Variants in SHPRH observed in about 807,000 individuals in gnomAD.
SHPRH encodes E3 ubiquitin-protein ligase SHPRH.
A neutral mutation model predicts 202.5 loss-of-function variants in SHPRH; 106 were observed. The ratio of observed to expected loss-of-function variants is 0.52; its 90% confidence interval spans 0.45 to 0.62. The LOEUF (loss-of-function observed/expected upper bound fraction) is 0.62. SHPRH is among the 20% of genes least tolerant of loss of function. The probability of loss-of-function intolerance (pLI) is 0.00; values close to 1 mark genes in which losing one functional copy is unlikely to be tolerated. For missense variants in SHPRH, 1,710 were observed against 2,020.0 expected, an observed-to-expected ratio of 0.85 and a Z score of 2.94; for synonymous variants, 729 against 686.0, an observed-to-expected ratio of 1.06 and a Z score of -0.98.
downstream of SHPRH, chr6:145,884,338 A>C (rs1780811253): frequency 6.6e-6 from 1 of 152,240 alleles, no homozygotes; most frequent in South Asian, 2.1e-4. Flanking sequence ...GGTTTGAAGC[A>C]AAAAGGCTAT....
intron 11 of SHPRH, among the ~76,000 whole-genome samples, chr6:145,937,551 T>C (rs1786247335): frequency 6.6e-6 from 1 of 152,156 alleles, no homozygotes; most frequent in Admixed American, 6.6e-5. Flanking sequence ...GAGTGATCTT[T>C]TGAAATACAA....
intron 1 of SHPRH, among the ~76,000 whole-genome samples, chr6:145,959,002 T>C (rs1788795724): frequency 6.6e-6 from 1 of 151,802 alleles, no homozygotes; most frequent in Admixed American, 6.6e-5. Flanking sequence ...CCAGCTAACT[T>C]TTTTTTTGTA....
intron 4 of SHPRH, 76 bp downstream of exon 4, chr6:145,950,188 A>G: frequency 8.4e-7 from 1 of 1,192,698 alleles, no homozygotes; most frequent in Non-Finnish European, 1.2e-6. Flanking sequence ...TTTAATGATC[A>G]ATTTCACCCT....
At chr6:145,908,743 A>C (rs1783203726) in intron 25 of SHPRH, 1 of 152,054 alleles carries the variant, frequency 6.6e-6, no homozygotes, top group Non-Finnish European at 1.5e-5. Context: ...TGCTCTGCAG[A>C]AGCTCTTTAA....
chr6:145,940,696 G>GCAAT (rs1786676553), intron 11 of SHPRH, 27 bp downstream of exon 11: 1 of 1,606,738 alleles, frequency 6.2e-7, no homozygotes, highest in African/African-American at 1.3e-5. Flanking sequence ...TCAAATGCAT[G>GCAAT]CAATATGTGA....
intron 4 of SHPRH, among the ~76,000 whole-genome samples, chr6:145,948,850 A>G (rs1057467956): frequency 6.6e-6 from 1 of 152,008 alleles, no homozygotes; most frequent in Non-Finnish European, 1.5e-5. Context: ...ATCTAAAACC[A>G]TAACTCAGAA....
At chr6:145,910,084 G>A (rs1783355310) in intron 25 of SHPRH, 1 of 165,978 alleles carries the variant, frequency 6.0e-6, no homozygotes, top group Admixed American at 6.1e-5. Flanking sequence ...TTACATTCAG[G>A]GATGTGTAAA....
chr6:145,918,942 A>G (rs920949640), intron 22 of SHPRH: 1 of 156,170 alleles, frequency 6.4e-6, no homozygotes, highest in Admixed American at 6.4e-5. Context: ...TTAGTTCATC[A>G]TTAGCAAAAG....
At position 145,924,723 on chromosome 6, in the gene SHPRH, C is replaced by T. The variant is rs370763181; in HGVS notation, c.3402+16G>A. On this transcript the variant is annotated intron_variant, in intron 17 of 29. Transcript: ENST00000275233. ...TGGAGGCAAATACAAGTAAGAAACA[C>T]TGCATTTTGGCATACCTTTCTTTGA... 2.5e-6 allele frequency: 4 copies of T among 1,605,752 alleles called. No homozygotes were observed. Among genetic ancestry groups the T allele is most frequent in the African/African-American group, 2.7e-5 (2 of 74,620 alleles).
chr6:145,939,328 T>C (rs543396243), intron 11 of SHPRH, among the ~76,000 whole-genome samples: 10 of 152,316 alleles, frequency 6.6e-5, no homozygotes, highest in African/African-American at 7.2e-5. Flanking sequence ...TACAAATACA[T>C]GTCAAAACTT....
rs758318160 is a variant in SHPRH, at chr6:145,926,196, A to AT, written c.3294+7dup. ...TACTTTTATAGACAGAATGAAAAAA[A>AT]TAATTACCTCTTCCTCAAGTCGGCC... On this transcript the variant is annotated splice_region_variant and intron_variant, in intron 16 of 29. Transcript: ENST00000275233. 1.6e-4 allele frequency: 257 copies of AT among 1,611,900 alleles called. No homozygotes were observed. The highest frequency in any genetic ancestry group is 8.7e-4 in the Admixed American group (52 of 59,840).
At chr6:145,948,140 A>G in intron 5 of SHPRH, 132 bp downstream of exon 5, 1 of 559,550 alleles carries the variant, frequency 1.8e-6, no homozygotes. Context: ...ATCCATAGAT[A>G]TGTCTAATCA....
chr6:145,899,356 T>C (rs905227009), intron 25 of SHPRH, among the ~76,000 whole-genome samples: 10 of 151,892 alleles, frequency 6.6e-5, no homozygotes, highest in Non-Finnish European at 1.3e-4. Flanking sequence ...TACAGACCAA[T>C]GGAACAGGAG....
At chr6:145,922,198 TG>T in intron 20 of SHPRH, 87 bp downstream of exon 20, 1 of 1,119,438 alleles carries the variant, frequency 8.9e-7, no homozygotes. Flanking sequence ...AAGGTTACTG[TG>T]GGGGAAAACA....
At chr6:145,899,479 G>C (rs1181247153) in intron 25 of SHPRH, among the ~76,000 whole-genome samples, 1 of 152,006 alleles carries the variant, frequency 6.6e-6, no homozygotes, top group Non-Finnish European at 1.5e-5. Context: ...GAAAAAACTA[G>C]TTATCCACAT....
downstream of SHPRH, among the ~76,000 whole-genome samples, chr6:145,882,791 G>A (rs1780676720): frequency 5.9e-5 from 9 of 152,164 alleles, no homozygotes; most frequent in Admixed American, 5.2e-4. Context: ...AATAGTCTTG[G>A]CAGAAAATGA....
Position 145,886,722 on chromosome 6 carries a change from A to G in SHPRH, c.5021T>C (p.Leu1674Pro). Residue 1674 changes from leucine to proline, a missense_variant, in exon 30 of 30, where the codon CTA (leucine) becomes CCA (proline). Physicochemically the swap from Leu to Pro is moderately conservative, Grantham distance 98 (BLOSUM62 -3). This residue lies in a region of SHPRH where 306 missense variants were observed against 479.5 expected (regional missense o/e 0.64). Coordinates refer to ENST00000275233, the MANE Select transcript of SHPRH (RefSeq NM_001042683.3). ...AAGCTCTTCAGTTTCTTTGGTAAATAGGTCTGCCAGGTCAGCCACAGTCAA... is the reference window on the plus strand; with the variant it reads ...AAGCTCTTCAGTTTCTTTGGTAAATGGGTCTGCCAGGTCAGCCACAGTCAA... Reference protein sequence around the residue: ...SVLTVADLADLFTKETEELE With the variant: ...SVLTVADLADPFTKETEELE 6.2e-7 allele frequency: 1 copy of G among 1,613,754 alleles called. No individual in the cohort carries two copies. The highest frequency in any genetic ancestry group is 8.5e-7 in the Non-Finnish European group (1 of 1,179,760).
intron 13 of SHPRH, among the ~76,000 whole-genome samples, chr6:145,934,593 T>C (rs557844704): frequency 3.3e-5 from 5 of 150,938 alleles, no homozygotes. Flanking sequence ...GCCCAGGAAT[T>C]TGAGGCTGCC....
chr6:145,888,354 T>C (rs1453618439), intron 28 of SHPRH, among the ~76,000 whole-genome samples: 1 of 151,718 alleles, frequency 6.6e-6, no homozygotes, highest in Non-Finnish European at 1.5e-5. Context: ...CAGGCTGACA[T>C]GCAAACTGAA....
Sources: allele counts gnomAD v4.1 joint callset (sites outside exome capture counted in the v4.1 genomes callset), GRCh38; gene constraint gnomAD v4.1.1; regional missense constraint gnomAD v4.1.1; transcripts MANE v1.5; gene names NCBI Gene and HGNC (gene_info 2026-07-23, HGNC 2026-07-21).